YWHAQ: variants seen among roughly 807,000 people sequenced by gnomAD.
YWHAQ encodes the protein tyrosine 3-monooxygenase/tryptophan 5-monooxygenase activation protein theta, also known as 14-3-3 protein theta.
Under a neutral mutation model 28.3 loss-of-function variants are expected in YWHAQ, and 6 were observed. That is an observed-to-expected ratio of 0.21 (90% CI 0.12 to 0.42). The LOEUF (loss-of-function observed/expected upper bound fraction) is 0.42, where lower values mean the gene tolerates loss of function less well. Ranked by LOEUF, YWHAQ falls within the 10% of genes least tolerant of loss-of-function variation. The pLI is 1.00. For synonymous variants in YWHAQ, 143 were observed against 119.1 expected (o/e 1.20, Z -1.31); for missense variants, 201 against 305.6 (o/e 0.66, Z 2.55).
chr2:9,630,488 G>C lies in YWHAQ; in HGVS notation c.-36C>G. The C allele has an allele frequency of 1.3e-6, 2 of 1,532,552 alleles. No individual in the cohort carries two copies. Among genetic ancestry groups the C allele is most frequent in the Non-Finnish European group, 8.7e-7 (1 of 1,143,540 alleles). The allele number at this position is 1,532,552 out of a possible 1,614,324, so 94.9% of individuals were successfully genotyped here. On this transcript the variant is annotated 5_prime_UTR_variant, in exon 2 of 6. Coordinates refer to ENST00000238081, the MANE Select transcript of YWHAQ (RefSeq NM_006826.4). This position sits in a 1 kb window ranked among gnomAD's most constrained non-coding sequence, Gnocchi z 5.6. ...GGGCCGGGGCCGGGGCGGAGGGCGA[G>C]GAGAGCGAGGGCGAGCGCCGACCCG...
chr2:9,603,005 A>T (rs6432024), intron 2 of YWHAQ, among the ~76,000 whole-genome samples: 1 of 147,208 alleles, frequency 6.8e-6, no homozygotes, highest in Non-Finnish European at 1.5e-5. Flanking sequence ...TTACAGGCAT[A>T]AGCCACCTCA....
At chr2:9,587,048 C>A (rs1259878498) in intron 5 of YWHAQ, among the ~76,000 whole-genome samples, 2 of 152,150 alleles carry the variant, frequency 1.3e-5, no homozygotes, top group Non-Finnish European at 2.9e-5. Context: ...GAACAAGGTA[C>A]TTCCTGTGAT....
At chr2:9,629,643 TG>T (rs1022491720) in intron 2 of YWHAQ, among the ~76,000 whole-genome samples, 1 of 146,082 alleles carries the variant, frequency 6.8e-6, no homozygotes, top group Non-Finnish European at 1.5e-5. Context: ...CTCCTGTTTA[TG>T]GGGGGTGGGG....
Position 9,595,102 on chromosome 2 carries a change from T to C in YWHAQ, c.295-3587A>G, listed in dbSNP as rs573669098. Reference sequence around the variant, plus strand: ...TCCATCCTGGAGTTTCAGCCAGGTATCATGGTTCTTTGTCAGATGCCACTA... The same window carrying C: ...TCCATCCTGGAGTTTCAGCCAGGTACCATGGTTCTTTGTCAGATGCCACTA... On this transcript the variant is annotated intron_variant, in intron 2 of 5. Transcript: ENST00000238081. 2.0e-4 allele frequency among the ~76,000 whole-genome samples: 30 copies of C among 152,306 alleles called. No homozygotes were observed. In the East Asian group the frequency reaches 5.0e-3, roughly 25 times the overall value.
chr2:9,588,040 G>A (rs1270985669), intron 4 of YWHAQ, 125 bp downstream of exon 4: 4 of 1,184,502 alleles, frequency 3.4e-6, no homozygotes, highest in Non-Finnish European at 4.6e-6. Context: ...AGAAAAAGAG[G>A]AGATTTCAAA....
intron 2 of YWHAQ, among the ~76,000 whole-genome samples, chr2:9,602,743 GACTGGTA>G (rs992835650): frequency 1.6e-4 from 24 of 146,370 alleles, no homozygotes; most frequent in African/African-American, 6.0e-4. Flanking sequence ...ATCTTGCACA[GACTGGTA>G]ACTCCTAGGC....
intron 2 of YWHAQ, among the ~76,000 whole-genome samples, chr2:9,608,770 G>A (rs923755185): frequency 2.6e-5 from 4 of 152,104 alleles, no homozygotes; most frequent in Non-Finnish European, 4.4e-5. Flanking sequence ...CCAACATGGC[G>A]AAACCCCGTC....
chr2:9,588,059 A>C, intron 4 of YWHAQ, 106 bp downstream of exon 4: 1 of 1,311,316 alleles, frequency 7.6e-7, no homozygotes, highest in Admixed American at 2.7e-5. Context: ...AAATAAATAT[A>C]GTAGAAATCA....
intron 2 of YWHAQ, among the ~76,000 whole-genome samples, chr2:9,610,459 C>A (rs776706771): frequency 2.0e-5 from 3 of 152,178 alleles, no homozygotes; most frequent in Non-Finnish European, 2.9e-5. Context: ...CATACCATAC[C>A]AAGTGCCTCC....
At chr2:9,605,808 C>T (rs537455708) in intron 2 of YWHAQ, among the ~76,000 whole-genome samples, 38 of 147,168 alleles carry the variant, frequency 2.6e-4, no homozygotes, top group Admixed American at 2.2e-3. Context: ...GTGATCTGCC[C>T]GCTGTGGCCT....
At chr2:9,620,310 C>T (rs766231582) in intron 2 of YWHAQ, among the ~76,000 whole-genome samples, 7 of 152,138 alleles carry the variant, frequency 4.6e-5, no homozygotes, top group Non-Finnish European at 1.0e-4. Flanking sequence ...CAACTGGATA[C>T]TGTAGTAAAA....
At chr2:9,600,417 C>T (rs1402320823) in intron 2 of YWHAQ, among the ~76,000 whole-genome samples, 7 of 152,058 alleles carry the variant, frequency 4.6e-5, no homozygotes, top group Non-Finnish European at 8.8e-5. Context: ...ATAGAAAAAT[C>T]GTTTGAGGGC....
Position 9,630,683 on chromosome 2 carries a change from G to A in YWHAQ, c.-82-149C>T, listed in dbSNP as rs1038710347. ...CCCCCTCCCCCGCTGGGCACCCGGG[G>A]AGGCCGCGGCCCGCGGCTGGAGGAG... is the stretch of plus-strand genomic sequence containing the variant. On this transcript the variant is annotated intron_variant, in intron 1 of 5. Coordinates refer to ENST00000238081, the MANE Select transcript of YWHAQ (RefSeq NM_006826.4). The surrounding 1 kb of genome is among the most constrained non-coding windows in gnomAD (Gnocchi z 5.6). 5 of 313,122 alleles carry A rather than the reference G, an allele frequency of 1.6e-5. No homozygotes were observed. Among genetic ancestry groups the A allele is most frequent in the Non-Finnish European group, 2.9e-5 (5 of 174,158 alleles). The allele number at this position is 313,122 out of a possible 1,614,324, so 19.4% of individuals were successfully genotyped here.
intron 2 of YWHAQ, among the ~76,000 whole-genome samples, chr2:9,600,768 A>G (rs1006114264): frequency 7.9e-5 from 12 of 152,196 alleles, no homozygotes; most frequent in African/African-American, 2.7e-4. Flanking sequence ...CTGATGCAGC[A>G]AACTTCACTG....
intron 2 of YWHAQ, among the ~76,000 whole-genome samples, chr2:9,617,465 G>C (rs1356791160): frequency 1.3e-5 from 2 of 152,130 alleles, no homozygotes; most frequent in Non-Finnish European, 2.9e-5. Context: ...AGCGGGGAAT[G>C]GAGAGCTTCT....
chr2:9,586,425 C>T (rs1666345452), intron 5 of YWHAQ, among the ~76,000 whole-genome samples: 1 of 151,642 alleles, frequency 6.6e-6, no homozygotes, highest in East Asian at 1.9e-4. Context: ...TAAATAAAAA[C>T]AAACAAAACA....
At chr2:9,592,596 G>A (rs555168797) in intron 2 of YWHAQ, among the ~76,000 whole-genome samples, 1 of 152,092 alleles carries the variant, frequency 6.6e-6, no homozygotes, top group South Asian at 2.1e-4. Context: ...GTGATGGTGG[G>A]CACCTGTAAT....
At chr2:9,598,744 T>TGG (rs1666627778) in intron 2 of YWHAQ, among the ~76,000 whole-genome samples, 1 of 152,204 alleles carries the variant, frequency 6.6e-6, no homozygotes, top group Non-Finnish European at 1.5e-5. Flanking sequence ...GCTCCAACAA[T>TGG]GGGGTGCTCC....
chr2:9,589,203 A>G (rs1168434061), intron 3 of YWHAQ, among the ~76,000 whole-genome samples: 1 of 152,246 alleles, frequency 6.6e-6, no homozygotes, highest in Non-Finnish European at 1.5e-5. Flanking sequence ...ATTATAGTAA[A>G]TCAGACTTTT....
Sources: allele counts gnomAD v4.1 joint callset (sites outside exome capture counted in the v4.1 genomes callset), GRCh38; gene constraint gnomAD v4.1.1; non-coding constraint Gnocchi (gnomAD v3.1); transcripts MANE v1.5; gene names NCBI Gene and HGNC (gene_info 2026-07-23, HGNC 2026-07-21).